The following DCPH1 variants were observed in gnomAD, a reference collection of about 807,000 sequenced individuals.
DCPH1 encodes damage control phosphatase 1.
the DCPH1 span, among the ~76,000 whole-genome samples, chr6:151,466,581 T>C: frequency 6.6e-6 from 1 of 152,180 alleles, no homozygotes; most frequent in East Asian, 1.9e-4. Flanking sequence ...AATGTTGATC[T>C]CTTTCAAAAG....
chr6:151,469,202 C>A, the DCPH1 span: 1 of 1,066,080 alleles, frequency 9.4e-7, no homozygotes, highest in Non-Finnish European at 1.3e-6. Context: ...CGCCTGGCGG[C>A]TCTGTACGCG....
the DCPH1 span, among the ~76,000 whole-genome samples, chr6:151,466,779 G>A: frequency 4.6e-5 from 7 of 152,130 alleles, no homozygotes; most frequent in South Asian, 2.1e-4. Flanking sequence ...ACTGGAAGAC[G>A]GTGTGAAGGG....
chr6:151,458,627 A>C, the DCPH1 span: 1 of 1,454,302 alleles, frequency 6.9e-7, no homozygotes, highest in South Asian at 1.4e-5. Flanking sequence ...CTTTTTCTGA[A>C]ATTGTAAAAG....
At chr6:151,453,379 T>C in the DCPH1 span, among the ~76,000 whole-genome samples, 1 of 152,236 alleles carries the variant, frequency 6.6e-6, no homozygotes, top group Non-Finnish European at 1.5e-5. Context: ...AAAAAAGGAC[T>C]TACTATACCT....
At chr6:151,468,784 A>G in the DCPH1 span, 16 of 1,614,124 alleles carry the variant, frequency 9.9e-6, no homozygotes, top group East Asian at 2.0e-4. Flanking sequence ...CCACAATCAT[A>G]TATTTTGGAC....
At chr6:151,458,012 G>C in the DCPH1 span, among the ~76,000 whole-genome samples, 1 of 152,158 alleles carries the variant, frequency 6.6e-6, no homozygotes, top group South Asian at 2.1e-4. Flanking sequence ...GGTGTCAATG[G>C]TGAAAGAAGA....
At chr6:151,452,669 G>C in the DCPH1 span, 10 of 1,372,198 alleles carry the variant, frequency 7.3e-6, no homozygotes, top group African/African-American at 1.5e-5. Context: ...GAGGGCGCCC[G>C]CTCCCCGGTG....
At chr6:151,453,934 A>G in the DCPH1 span, among the ~76,000 whole-genome samples, 1 of 152,146 alleles carries the variant, frequency 6.6e-6, no homozygotes, top group Non-Finnish European at 1.5e-5. Flanking sequence ...TTTGAGTGGG[A>G]AGAGACAGTA....
the DCPH1 span, chr6:151,458,488 A>ATGGAAAATCAAGATGGTTCTACTCACCG: frequency 6.2e-7 from 1 of 1,613,340 alleles, no homozygotes; most frequent in Non-Finnish European, 8.5e-7. Context: ...AATGAAAGTG[A>ATGGAAAATCAAGATGGTTCTACTCACCG]TGGAAAATCA....
the DCPH1 span, chr6:151,452,669 G>T: frequency 1.5e-6 from 2 of 1,372,198 alleles, no homozygotes. Context: ...GAGGGCGCCC[G>T]CTCCCCGGTG....
chr6:151,469,892 G>T, the DCPH1 span: 1 of 152,158 alleles, frequency 6.6e-6, no homozygotes, highest in Non-Finnish European at 1.5e-5. Context: ...TTAGGAAAAT[G>T]CTTTAGATAG....
At chr6:151,453,675 G>C in the DCPH1 span, among the ~76,000 whole-genome samples, 1 of 152,122 alleles carries the variant, frequency 6.6e-6, no homozygotes, top group Non-Finnish European at 1.5e-5. Context: ...CTGTGATCTG[G>C]AGATAAAAAC....
chr6:151,468,820 C>T, the DCPH1 span: 3 of 1,614,086 alleles, frequency 1.9e-6, no homozygotes, highest in East Asian at 2.2e-5. Flanking sequence ...CTGTGCAATG[C>T]CTCAGGTTGC....
At chr6:151,458,562 A>G in the DCPH1 span, 553 of 1,609,564 alleles carry the variant, frequency 3.4e-4, no homozygotes, top group East Asian at 2.1e-3. Context: ...TCATGAAGCA[A>G]TTATCCAGAG....
At chr6:151,452,601 T>A in the DCPH1 span, 1 of 1,601,002 alleles carries the variant, frequency 6.2e-7, no homozygotes, top group South Asian at 1.1e-5. Flanking sequence ...GTCTAGCTTT[T>A]CTCCTCCCCA....
At chr6:151,463,573 T>C in the DCPH1 span, among the ~76,000 whole-genome samples, 1 of 152,142 alleles carries the variant, frequency 6.6e-6, no homozygotes, top group African/African-American at 2.4e-5. Flanking sequence ...GGGTGTAGCT[T>C]CCCGAGGTGA....
the DCPH1 span, chr6:151,468,668 A>T: frequency 1.2e-6 from 2 of 1,613,998 alleles, no homozygotes; most frequent in Non-Finnish European, 1.7e-6. Flanking sequence ...ACTACTATAC[A>T]TGATTTTAAT....
At chr6:151,468,488 A>G in the DCPH1 span, 130 of 1,613,750 alleles carry the variant, frequency 8.1e-5, 2 homozygotes, top group South Asian at 1.4e-3. Context: ...TTGCTTAGCA[A>G]TTGCAAGAAA....
chr6:151,463,575 C>T, the DCPH1 span, among the ~76,000 whole-genome samples: 2 of 152,016 alleles, frequency 1.3e-5, no homozygotes, highest in Admixed American at 6.6e-5. Flanking sequence ...GTGTAGCTTC[C>T]CGAGGTGACT....
Sources: gnomAD v4.1 joint callset for allele counts (sites outside exome capture counted in the v4.1 genomes callset) on GRCh38, gnomAD v4.1.1 for gene constraint, MANE v1.5 for transcripts, NCBI Gene and HGNC (gene_info 2026-07-23, HGNC 2026-07-21) for gene names.